The following TENM3 variants were observed in gnomAD, a reference collection of about 807,000 sequenced individuals.
TENM3 encodes the protein teneurin-3.
A neutral mutation model predicts 255.1 loss-of-function variants in TENM3; 63 were observed. The observed-to-expected ratio is 0.25, with a 90% CI of 0.20 to 0.30. The LOEUF (loss-of-function observed/expected upper bound fraction) is 0.30, where lower values mean the gene tolerates loss of function less well. Among genes scored for constraint, TENM3 ranks in the 10% least tolerant of loss-of-function variants. The pLI is 1.00. For synonymous variants in TENM3, 1,306 were observed against 1,322.3 expected, an observed-to-expected ratio of 0.99 and a Z score of 0.27; for missense variants, 2,929 against 3,461.1, an observed-to-expected ratio of 0.85 and a Z score of 3.86.
the TENM3 span, among the ~76,000 whole-genome samples, chr4:181,705,599 C>T: frequency 2.6e-5 from 4 of 152,190 alleles, no homozygotes; most frequent in African/African-American, 9.6e-5. Context: ...CTTTTTTCAA[C>T]TTAAATCTAT....
chr4:182,776,495 G>A (rs1764700581), intron 24 of TENM3, among the ~76,000 whole-genome samples: 1 of 152,176 alleles, frequency 6.6e-6, no homozygotes, highest in African/African-American at 2.4e-5. Flanking sequence ...AGATGGATAG[G>A]AAAGGGCTGT....
chr4:182,336,556 G>A (rs920794342), intron 2 of TENM3, among the ~76,000 whole-genome samples: 2 of 152,156 alleles, frequency 1.3e-5, no homozygotes, highest in South Asian at 2.1e-4. Context: ...TTCCTGCTTC[G>A]GAACTGCAGC....
chr4:182,090,461 A>G, the TENM3 span, among the ~76,000 whole-genome samples: 2 of 152,178 alleles, frequency 1.3e-5, no homozygotes, highest in African/African-American at 2.4e-5. Flanking sequence ...TATGCTTTTC[A>G]TCAACAAAAC....
At chr4:181,759,253 G>C in the TENM3 span, among the ~76,000 whole-genome samples, 1 of 152,090 alleles carries the variant, frequency 6.6e-6, no homozygotes, top group African/African-American at 2.4e-5. Context: ...TTAAAGGTGT[G>C]AGAATGAAAT....
At chr4:182,752,203 A>G (rs1762426325) in intron 20 of TENM3, among the ~76,000 whole-genome samples, 171 bp downstream of exon 20, 1 of 152,132 alleles carries the variant, frequency 6.6e-6, no homozygotes, top group African/African-American at 2.4e-5. Flanking sequence ...GCCATGTAGC[A>G]TGAAACTGCT....
At chr4:181,732,114 T>G in the TENM3 span, among the ~76,000 whole-genome samples, 1 of 152,214 alleles carries the variant, frequency 6.6e-6, no homozygotes, top group Non-Finnish European at 1.5e-5. Flanking sequence ...TTTCCCCAAT[T>G]CAGTGTTCCA....
At chr4:181,525,346 G>A in the TENM3 span, among the ~76,000 whole-genome samples, 4 of 144,858 alleles carry the variant, frequency 2.8e-5, no homozygotes, top group East Asian at 2.1e-4. Context: ...GCAGTGAGCC[G>A]AGATCACGCC....
chr4:182,219,281 G>C (rs1427238861), intron 1 of TENM3, among the ~76,000 whole-genome samples: 1 of 152,036 alleles, frequency 6.6e-6, no homozygotes, highest in Non-Finnish European at 1.5e-5. Context: ...AGAGAGCGAA[G>C]TAATTGAAGA....
intron 4 of TENM3, among the ~76,000 whole-genome samples, chr4:182,605,523 A>G (rs1748333747): frequency 6.6e-6 from 1 of 151,736 alleles, no homozygotes; most frequent in South Asian, 2.1e-4. Flanking sequence ...CTTAAATTAT[A>G]TACTAATGAA....
chr4:182,566,755 A>G lies in TENM3; in HGVS notation c.512-34169A>G, dbSNP rs181673631. On this transcript the variant is annotated intron_variant, in intron 3 of 27. Transcript: ENST00000511685. ...TGGAATATGCCCTCATGCCTCCACA[A>G]TTAACAAGTTTTTAATCTAAAGCTG... Among the ~76,000 whole-genome samples, 15 of 152,306 alleles carry G rather than the reference A, an allele frequency of 9.8e-5. No homozygotes were observed. The East Asian group carries it at 1.5e-3, about 16-fold the overall frequency.
At chr4:181,739,471 T>C in the TENM3 span, among the ~76,000 whole-genome samples, 4,062 of 152,286 alleles carry the variant, frequency 0.027, 178 homozygotes, top group African/African-American at 0.093. Flanking sequence ...ATTAAAACTT[T>C]CTTTTTGGTC....
At chr4:181,789,186 G>A in the TENM3 span, among the ~76,000 whole-genome samples, 323 of 151,646 alleles carry the variant, frequency 2.1e-3, 1 homozygote, top group African/African-American at 7.5e-3. Context: ...AGTGATAGGA[G>A]TGTCTTCTGT....
At chr4:182,009,050 C>T in the TENM3 span, among the ~76,000 whole-genome samples, 1 of 152,108 alleles carries the variant, frequency 6.6e-6, no homozygotes, top group Admixed American at 6.5e-5. Context: ...ATCTGATTTG[C>T]TCCTGTGCCT....
chr4:182,384,071 G>A (rs1767743339), intron 3 of TENM3, among the ~76,000 whole-genome samples: 1 of 152,160 alleles, frequency 6.6e-6, no homozygotes, highest in Non-Finnish European at 1.5e-5. Context: ...AGGCCTTCAG[G>A]TTTCAAGAAT....
chr4:181,765,163 A>G, the TENM3 span, among the ~76,000 whole-genome samples: 6 of 152,220 alleles, frequency 3.9e-5, no homozygotes, highest in African/African-American at 7.2e-5. Context: ...GTTTTTCCCA[A>G]CAAATTTCTA....
chr4:182,279,876 T>G (rs1296767145), intron 1 of TENM3, among the ~76,000 whole-genome samples: 1 of 152,142 alleles, frequency 6.6e-6, no homozygotes, highest in Non-Finnish European at 1.5e-5. Context: ...TTCATACCAG[T>G]TTTTATTTAA....
At chr4:181,726,891 T>A in the TENM3 span, among the ~76,000 whole-genome samples, 1 of 152,198 alleles carries the variant, frequency 6.6e-6, no homozygotes. Flanking sequence ...CTGGCTTCAA[T>A]TAATTTGCTA....
chr4:182,463,699 C>T (rs1446112875), intron 3 of TENM3, among the ~76,000 whole-genome samples: 2 of 151,940 alleles, frequency 1.3e-5, no homozygotes, highest in African/African-American at 4.8e-5. Flanking sequence ...TCTCGGCTCA[C>T]CGCAACCTCG....
chr4:181,854,969 C>G, the TENM3 span, among the ~76,000 whole-genome samples: 3 of 152,068 alleles, frequency 2.0e-5, no homozygotes, highest in Admixed American at 2.0e-4. Flanking sequence ...TCTACTTTTG[C>G]TTCTTTACAG....
Sources: allele counts gnomAD v4.1 joint callset (sites outside exome capture counted in the v4.1 genomes callset), GRCh38; gene constraint gnomAD v4.1.1; transcripts MANE v1.5; gene names NCBI Gene and HGNC (gene_info 2026-07-23, HGNC 2026-07-21).